The following C3orf70 variants were observed in gnomAD, a reference collection of about 807,000 sequenced individuals.
C3orf70 encodes the protein UPF0524 protein C3orf70.
Under a neutral mutation model 20.7 loss-of-function variants are expected in C3orf70, and 15 were observed. The ratio of observed to expected loss-of-function variants is 0.72; its 90% CI spans 0.48 to 1.11. The LOEUF (loss-of-function observed/expected upper bound fraction) is 1.11. C3orf70 is among the 50% of genes most tolerant of loss of function. The pLI is 0.00. For synonymous variants in C3orf70, 161 were observed against 125.7 expected (o/e 1.28, Z -1.88); for missense variants, 332 against 317.6 (o/e 1.05, Z -0.34).
chr3:185,116,448 G>T lies in C3orf70; in HGVS notation c.197-32885C>A, dbSNP rs532249182. ...TCTTATCAATCTTGCCTTAATTCAG[G>T]GTTTCTGTTATTATTTACGTTTTAG... On this transcript the variant is annotated intron_variant, in intron 1 of 1. Coordinates refer to ENST00000335012, the MANE Select transcript of C3orf70 (RefSeq NM_001025266.3). Among the ~76,000 whole-genome samples, 3 of 152,258 alleles carry T rather than the reference G, an allele frequency of 2.0e-5. No homozygotes were observed. The South Asian group carries it at 6.2e-4, about 32-fold the overall frequency.
In C3orf70 at chr3:185,140,686, C is replaced by G. The variant is rs1436891580; in HGVS notation, c.196+11942G>C. Among the ~76,000 whole-genome samples the G allele has an allele frequency of 2.0e-5, 3 of 151,324 alleles. No individual in the cohort carries two copies. In the South Asian group the frequency reaches 6.3e-4, roughly 32 times the overall value. On this transcript the variant is annotated intron_variant, in intron 1 of 1. Transcript: ENST00000335012. ...GACGCCAGGGCCAGGCGGTGGCTCA[C>G]GCCTGGAATCCCAGCACTTTGGGAA...
intron 1 of C3orf70, among the ~76,000 whole-genome samples, chr3:185,091,916 T>TAC (rs1715584851): frequency 1.5e-4 from 1 of 6,540 alleles, no homozygotes; most frequent in Non-Finnish European, 2.5e-4. Context: ...CACATACATA[T>TAC]ATATATATAT....
chr3:185,104,992 G>A (rs551057230), intron 1 of C3orf70, among the ~76,000 whole-genome samples: 1 of 152,190 alleles, frequency 6.6e-6, no homozygotes, highest in East Asian at 1.9e-4. Flanking sequence ...AACTAACAAG[G>A]TAAAATTCAC....
intron 1 of C3orf70, among the ~76,000 whole-genome samples, chr3:185,149,917 G>T (rs1279374373): frequency 6.6e-6 from 1 of 152,104 alleles, no homozygotes; most frequent in African/African-American, 2.4e-5. Context: ...TCTAAATTCA[G>T]ATTATTTATT....
intron 1 of C3orf70, among the ~76,000 whole-genome samples, chr3:185,099,297 G>GA (rs1715775940): frequency 6.6e-6 from 1 of 152,142 alleles, no homozygotes; most frequent in Non-Finnish European, 1.5e-5. Context: ...AAAGTTGAAA[G>GA]AAAAAATGTT....
chr3:185,151,443 CAA>C lies in C3orf70; in HGVS notation c.196+1183_196+1184del, dbSNP rs767993195. Among the ~76,000 whole-genome samples, 115 of 152,112 alleles carry C rather than the reference CAA, an allele frequency of 7.6e-4. 1 individual carries two copies. The highest frequency in any genetic ancestry group is 1.4e-3 in the Non-Finnish European group (92 of 68,002). On this transcript the variant is annotated intron_variant, in intron 1 of 1. Transcript: ENST00000335012. ...ACCGTGAAGCAATGCTTTATACTAA[CAA>C]AAGAGAACAGATCTGAGCACAACAG...
intron 1 of C3orf70, among the ~76,000 whole-genome samples, chr3:185,123,877 T>C (rs559508592): frequency 3.0e-4 from 45 of 152,346 alleles, no homozygotes; most frequent in African/African-American, 9.9e-4. Flanking sequence ...TCCAGAATTA[T>C]ATTTTCAGGA....
intron 1 of C3orf70, among the ~76,000 whole-genome samples, chr3:185,132,568 G>A (rs963161510): frequency 6.6e-6 from 1 of 152,026 alleles, no homozygotes; most frequent in Non-Finnish European, 1.5e-5. Context: ...AGGCAGTATA[G>A]AGTGACAAAG....
At chr3:185,120,132 TG>T (rs1162382938) in intron 1 of C3orf70, among the ~76,000 whole-genome samples, 1 of 152,070 alleles carries the variant, frequency 6.6e-6, no homozygotes, top group Non-Finnish European at 1.5e-5. Flanking sequence ...TGACTGCTAA[TG>T]GGTAAAGGGT....
intron 1 of C3orf70, among the ~76,000 whole-genome samples, chr3:185,112,907 T>TACAATAAATAATA: frequency 6.6e-6 from 1 of 152,340 alleles, no homozygotes; most frequent in Non-Finnish European, 1.5e-5. Flanking sequence ...ACTCTCAGTA[T>TACAATAAATAATA]ACAATAAATA....
At chr3:185,126,235 A>G (rs1231522384) in intron 1 of C3orf70, among the ~76,000 whole-genome samples, 1 of 152,210 alleles carries the variant, frequency 6.6e-6, no homozygotes, top group Non-Finnish European at 1.5e-5. Context: ...CTTGAATTTA[A>G]CAAGTATCAA....
intron 1 of C3orf70, among the ~76,000 whole-genome samples, chr3:185,145,610 C>T (rs1005122696): frequency 6.6e-6 from 1 of 152,182 alleles, no homozygotes; most frequent in African/African-American, 2.4e-5. Context: ...CAGCTGAAAT[C>T]ATCCTCACTA....
At chr3:185,110,530 G>A (rs943035277) in intron 1 of C3orf70, among the ~76,000 whole-genome samples, 1 of 151,556 alleles carries the variant, frequency 6.6e-6, no homozygotes. Flanking sequence ...CGAATAAGGG[G>A]GACGTGTTAG....
At chr3:185,105,588 G>T (rs1023178342) in intron 1 of C3orf70, among the ~76,000 whole-genome samples, 13 of 152,126 alleles carry the variant, frequency 8.5e-5, no homozygotes, top group African/African-American at 3.1e-4. Context: ...TGTCTGTTTG[G>T]GGCTCTCAGC....
intron 1 of C3orf70, among the ~76,000 whole-genome samples, chr3:185,106,520 C>T (rs1230844090): frequency 2.0e-5 from 3 of 152,154 alleles, no homozygotes. Flanking sequence ...GAAATATGTC[C>T]AAAATGTAAA....
intron 1 of C3orf70, among the ~76,000 whole-genome samples, chr3:185,097,820 G>A (rs548423032): frequency 6.6e-6 from 1 of 152,326 alleles, no homozygotes; most frequent in Admixed American, 6.5e-5. Context: ...CAAAACTGGA[G>A]CAGTATGTAA....
intron 1 of C3orf70, among the ~76,000 whole-genome samples, chr3:185,134,116 C>CATATATATATATATATATATATATATAT (rs1553921592): frequency 7.4e-6 from 1 of 134,664 alleles, no homozygotes; most frequent in African/African-American, 2.7e-5. Flanking sequence ...AAAAATACAT[C>CATATATATATATATATATATATATATAT]ATATATATAT....
chr3:185,147,570 G>C (rs939810818), intron 1 of C3orf70, among the ~76,000 whole-genome samples: 11 of 152,220 alleles, frequency 7.2e-5, no homozygotes, highest in Non-Finnish European at 1.5e-4. Flanking sequence ...AACAGAGCTA[G>C]ATCCGAATCC....
At chr3:185,148,217 G>T (rs2108608346) in intron 1 of C3orf70, among the ~76,000 whole-genome samples, 1 of 152,194 alleles carries the variant, frequency 6.6e-6, no homozygotes, top group East Asian at 1.9e-4. Context: ...ATTATTTCTA[G>T]CCCAGACCTC....
Sources: gnomAD v4.1 joint callset for allele counts (sites outside exome capture counted in the v4.1 genomes callset) on GRCh38, gnomAD v4.1.1 for gene constraint, MANE v1.5 for transcripts, NCBI Gene and HGNC (gene_info 2026-07-23, HGNC 2026-07-21) for gene names.